The following NBAS variants were observed in gnomAD, a reference collection of about 807,000 sequenced individuals.
NBAS encodes the protein NBAS subunit of NRZ tethering complex.
NBAS carries 219 observed loss-of-function variants against 302.5 expected under a neutral mutation model. The observed-to-expected ratio is 0.72, with a 90% CI of 0.65 to 0.81. NBAS has a LOEUF of 0.81. Among genes scored for constraint, NBAS ranks in the 30% least tolerant of loss-of-function variants. The probability of loss-of-function intolerance (pLI) is 0.00; values close to 1 mark genes in which losing one functional copy is unlikely to be tolerated. For synonymous variants in NBAS, 1,118 were observed against 1,021.6 expected (o/e 1.09, Z -1.80); for missense variants, 2,932 against 2,841.6 (o/e 1.03, Z -0.72).
Position 15,234,533 on chromosome 2 carries a change from T to G in NBAS, c.6146+12A>C, listed in dbSNP as rs528659880. 4 of 1,612,734 alleles carry G rather than the reference T, an allele frequency of 2.5e-6. No individual in the cohort carries two copies. The highest frequency in any genetic ancestry group is 1.7e-5 in the Admixed American group (1 of 60,004). On this transcript the variant is annotated intron_variant, in intron 46 of 51. Coordinates refer to ENST00000281513, the MANE Select transcript of NBAS (RefSeq NM_015909.4). ...ACCCCAGTTTTTCCACAATGACCAC[T>G]TTCTAGCTTACCTCAATGCAGAAAT...
At chr2:15,209,681 A>G (rs1181325042) in intron 48 of NBAS, among the ~76,000 whole-genome samples, 1 of 152,170 alleles carries the variant, frequency 6.6e-6, no homozygotes, top group African/African-American at 2.4e-5. Flanking sequence ...TGATGACCAA[A>G]AACAACAAAA....
At chr2:15,429,140 A>C in intron 21 of NBAS, among the ~76,000 whole-genome samples, 1 of 152,196 alleles carries the variant, frequency 6.6e-6, no homozygotes, top group African/African-American at 2.4e-5. Context: ...GAGAAACAGA[A>C]ACAAATCTGT....
rs767591703 is a variant in NBAS, at chr2:15,238,593, C to A, written c.5818G>T (p.Glu1940Ter). 6.2e-7 allele frequency: 1 copy of A among 1,613,614 alleles called. No homozygotes were observed. The highest frequency in any genetic ancestry group is 8.5e-7 in the Non-Finnish European group (1 of 1,179,954). ...EKPRKRNSED[E>*]AQEAKDSKVT... is the part of the protein sequence containing the mutation. ...TTAGAATCCTTAGCTTCTTGAGCTT[C>A]GTCTTCTGAGTTTCTTTTCCTTGGC... is the stretch of plus-strand genomic sequence containing the variant. The change falls in exon 45 of 52, where the codon GAA becomes TAA. Residue 1940 changes from glutamate to a stop codon, truncating the protein, a stop_gained. Transcript: ENST00000281513. LOFTEE classifies it high-confidence loss of function.
chr2:14,815,521 A>G, the NBAS span, among the ~76,000 whole-genome samples: 3 of 152,250 alleles, frequency 2.0e-5, no homozygotes, highest in Admixed American at 2.0e-4. Flanking sequence ...CTTTTGACTT[A>G]TAATTTCAAA....
chr2:15,233,711 T>C lies in NBAS; in HGVS notation c.6146+834A>G, dbSNP rs1667474403. Among the ~76,000 whole-genome samples the C allele has an allele frequency of 1.3e-5, 2 of 152,302 alleles. 1 individual carries two copies. Among genetic ancestry groups the C allele is most frequent in the South Asian group, 4.2e-4 (2 of 4,818 alleles). ...TTATGAAATTCTATATATCTCCCTA[T>C]ATATAAAATTAATGGATACCTCAGA... On this transcript the variant is annotated intron_variant, in intron 46 of 51. Transcript: ENST00000281513.
At chr2:14,841,180 C>T in the NBAS span, among the ~76,000 whole-genome samples, 15 of 151,506 alleles carry the variant, frequency 9.9e-5, no homozygotes, top group East Asian at 7.7e-4. Context: ...AATGGAAAAA[C>T]GTATCATGGA....
intron 40 of NBAS, among the ~76,000 whole-genome samples, chr2:15,307,178 T>G (rs941033355): frequency 1.3e-5 from 2 of 152,180 alleles, no homozygotes; most frequent in African/African-American, 4.8e-5. Context: ...AAACAAGATG[T>G]GGGCAGCATG....
chr2:15,462,046 G>A (rs1428230336), intron 19 of NBAS, among the ~76,000 whole-genome samples: 1 of 152,180 alleles, frequency 6.6e-6, no homozygotes, highest in Non-Finnish European at 1.5e-5. Flanking sequence ...GTTAATTGCA[G>A]TAGGACAACC....
the NBAS span, among the ~76,000 whole-genome samples, chr2:14,903,076 GA>G: frequency 2.0e-5 from 3 of 151,960 alleles, no homozygotes; most frequent in African/African-American, 7.2e-5. Flanking sequence ...AAAAAAAAAT[GA>G]AAAAATAAGA....
the NBAS span, among the ~76,000 whole-genome samples, chr2:14,822,567 T>C: frequency 6.6e-6 from 1 of 152,226 alleles, no homozygotes; most frequent in Non-Finnish European, 1.5e-5. Context: ...AGATCTAGTC[T>C]AATGCAACCC....
At chr2:15,113,611 A>G in the NBAS span, among the ~76,000 whole-genome samples, 1 of 152,162 alleles carries the variant, frequency 6.6e-6, no homozygotes, top group Non-Finnish European at 1.5e-5. Context: ...GAGCATCATT[A>G]AGAAAAATAA....
chr2:14,975,644 T>A, the NBAS span, among the ~76,000 whole-genome samples: 2 of 152,184 alleles, frequency 1.3e-5, no homozygotes, highest in Non-Finnish European at 2.9e-5. Context: ...GTCAATGCAC[T>A]CCTTGCATTT....
chr2:15,249,917 C>T (rs1293752819), intron 44 of NBAS, among the ~76,000 whole-genome samples: 2 of 152,120 alleles, frequency 1.3e-5, no homozygotes, highest in African/African-American at 4.8e-5. Flanking sequence ...ATGCTGTCAC[C>T]ATCAAGCTAC....
At chr2:15,307,205 C>A (rs1305427718) in intron 40 of NBAS, among the ~76,000 whole-genome samples, 2 of 152,168 alleles carry the variant, frequency 1.3e-5, no homozygotes, top group African/African-American at 2.4e-5. Flanking sequence ...GCCTCCGGAA[C>A]CCAACAATGT....
chr2:14,902,167 C>T, the NBAS span, among the ~76,000 whole-genome samples: 35,933 of 152,112 alleles, frequency 0.24, 4,416 homozygotes, highest in Non-Finnish European at 0.27. Flanking sequence ...GGTCTCACTC[C>T]GTCACCCAGG....
chr2:15,367,434 T>C (rs1033319659), intron 31 of NBAS, among the ~76,000 whole-genome samples: 1 of 152,194 alleles, frequency 6.6e-6, no homozygotes, highest in African/African-American at 2.4e-5. Flanking sequence ...TAGCAACTGA[T>C]GTGAAAGGAA....
chr2:15,008,447 T>C, the NBAS span, among the ~76,000 whole-genome samples: 1 of 152,214 alleles, frequency 6.6e-6, no homozygotes, highest in Non-Finnish European at 1.5e-5. Context: ...AAGTGGCCTC[T>C]CCAAGGTCCA....
At chr2:14,798,574 C>A in the NBAS span, among the ~76,000 whole-genome samples, 1 of 152,056 alleles carries the variant, frequency 6.6e-6, no homozygotes, top group African/African-American at 2.4e-5. Flanking sequence ...TGTTATCAGA[C>A]CAATGCTGGC....
At chr2:15,187,569 AG>A (rs1169460868) in intron 49 of NBAS, among the ~76,000 whole-genome samples, 1 of 152,184 alleles carries the variant, frequency 6.6e-6, no homozygotes, top group Non-Finnish European at 1.5e-5. Context: ...AGCATAAAAA[AG>A]TTTGCCGTTT....
Sources: allele counts gnomAD v4.1 joint callset (sites outside exome capture counted in the v4.1 genomes callset), GRCh38; gene constraint gnomAD v4.1.1; transcripts MANE v1.5; gene names NCBI Gene and HGNC (gene_info 2026-07-23, HGNC 2026-07-21).